The following FHIT variants were observed in gnomAD, a reference collection of about 807,000 sequenced individuals.
FHIT encodes the protein bis(5'-adenosyl)-triphosphatase.
In FHIT, 19 loss-of-function variants were observed where a neutral mutation model predicts 17.9. The observed-to-expected ratio is 1.06, with a 90% CI of 0.74 to 1.56. The LOEUF (loss-of-function observed/expected upper bound fraction) is 1.56. Ranked by LOEUF, FHIT falls within the 40% of genes most tolerant of loss-of-function variation. The pLI is 0.00. For missense variants in FHIT, 248 were observed against 189.2 expected (o/e 1.31, Z -1.82); for synonymous variants, 81 against 69.7 (o/e 1.16, Z -0.81).
intron 5 of FHIT, among the ~76,000 whole-genome samples, chr3:60,130,794 T>C (rs1187011765): frequency 1.0e-5 from 1 of 99,108 alleles, no homozygotes; most frequent in Non-Finnish European, 2.6e-5. Flanking sequence ...GGTGTGTATA[T>C]ACACACATAT....
At chr3:60,736,768 T>C (rs548540762) in intron 4 of FHIT, among the ~76,000 whole-genome samples, 1 of 152,306 alleles carries the variant, frequency 6.6e-6, no homozygotes, top group East Asian at 1.9e-4. Flanking sequence ...TTTCACATTA[T>C]AAACGGATAA....
At chr3:60,391,542 C>T (rs539091914) in intron 5 of FHIT, among the ~76,000 whole-genome samples, 7 of 152,302 alleles carry the variant, frequency 4.6e-5, no homozygotes, top group African/African-American at 1.7e-4. Context: ...ATGGTAAGTG[C>T]CCTGTACAGG....
chr3:60,070,736 C>A (rs150972300), intron 5 of FHIT, among the ~76,000 whole-genome samples: 1 of 152,198 alleles, frequency 6.6e-6, no homozygotes, highest in African/African-American at 2.4e-5. Context: ...GGATATAGTC[C>A]ATGAGACAGA....
chr3:60,696,660 G>T (rs530526451), intron 4 of FHIT, among the ~76,000 whole-genome samples: 1 of 152,238 alleles, frequency 6.6e-6, no homozygotes, highest in Non-Finnish European at 1.5e-5. Context: ...AGAGGGCTGG[G>T]CTCCGGAAGA....
chr3:60,667,036 T>C (rs2040398554), intron 4 of FHIT, among the ~76,000 whole-genome samples: 1 of 141,472 alleles, frequency 7.1e-6, no homozygotes, highest in Non-Finnish European at 1.5e-5. Context: ...TTTTTTTTTT[T>C]TTTTTTTTTT....
chr3:59,965,091 T>A (rs915256845), intron 7 of FHIT, among the ~76,000 whole-genome samples: 1 of 152,082 alleles, frequency 6.6e-6, no homozygotes, highest in African/African-American at 2.4e-5. Flanking sequence ...AATAACTAAT[T>A]ATAGGAGAGT....
At chr3:60,950,931 C>G (rs782434272) in intron 3 of FHIT, among the ~76,000 whole-genome samples, 4 of 152,088 alleles carry the variant, frequency 2.6e-5, no homozygotes, top group Non-Finnish European at 5.9e-5. Context: ...TCTGGAGGAA[C>G]AGCAGCTTCA....
chr3:60,959,855 G>C (rs1351464187), intron 3 of FHIT, among the ~76,000 whole-genome samples: 1 of 150,100 alleles, frequency 6.7e-6, no homozygotes, highest in East Asian at 1.9e-4. Flanking sequence ...TGGTGAGCCT[G>C]AGGGCAATTT....
chr3:60,566,238 T>G (rs1252167299), intron 4 of FHIT, among the ~76,000 whole-genome samples: 3 of 152,094 alleles, frequency 2.0e-5, no homozygotes, highest in Non-Finnish European at 4.4e-5. Flanking sequence ...ATTCTGTTGA[T>G]TTGGGGTTGA....
chr3:60,064,641 G>C lies in FHIT; in HGVS notation c.104-50489C>G, dbSNP rs144779742. Among the ~76,000 whole-genome samples, 472 of 152,302 alleles carry C rather than the reference G, an allele frequency of 3.1e-3. 1 individual carries two copies. Among genetic ancestry groups the C allele is most frequent in the African/African-American group, 0.011 (445 of 41,568 alleles). On this transcript the variant is annotated intron_variant, in intron 5 of 9. Transcript: ENST00000492590. ...CAAAGCAGACATGAGGAAAAGCAAA[G>C]TTTGCATGTGCACATACACACAACA...
chr3:59,896,211 C>T (rs1166951843), intron 8 of FHIT, among the ~76,000 whole-genome samples: 1 of 152,140 alleles, frequency 6.6e-6, no homozygotes, highest in Non-Finnish European at 1.5e-5. Context: ...TCTGCTGTGT[C>T]CCAAGCAAGC....
chr3:60,548,490 A>G (rs1325627991), intron 4 of FHIT, among the ~76,000 whole-genome samples: 1 of 152,202 alleles, frequency 6.6e-6, no homozygotes, highest in African/African-American at 2.4e-5. Context: ...AACCAAGCTC[A>G]TGAAGATGTG....
At chr3:60,834,755 T>C (rs1475218221) in intron 3 of FHIT, among the ~76,000 whole-genome samples, 1 of 151,828 alleles carries the variant, frequency 6.6e-6, no homozygotes, top group Non-Finnish European at 1.5e-5. Flanking sequence ...GTCCCAGCTA[T>C]TCCAGAGCCT....
intron 8 of FHIT, among the ~76,000 whole-genome samples, chr3:59,920,424 G>A (rs1011631098): frequency 4.6e-5 from 7 of 152,186 alleles, no homozygotes; most frequent in African/African-American, 1.7e-4. Flanking sequence ...AGAAACATGT[G>A]TTTTCTTTTC....
At chr3:61,239,761 CCATATATATATATA>C (rs764343784) in intron 1 of FHIT, among the ~76,000 whole-genome samples, 2,531 of 63,164 alleles carry the variant, frequency 0.04, 124 homozygotes, top group Non-Finnish European at 0.048. Context: ...AAACAACTGG[CCATATATATATATA>C]TATATATATA....
intron 3 of FHIT, among the ~76,000 whole-genome samples, chr3:60,929,026 T>A (rs544925366): frequency 6.6e-6 from 1 of 152,158 alleles, no homozygotes; most frequent in Non-Finnish European, 1.5e-5. Context: ...CATGATCAAG[T>A]TGGCTTCATT....
At chr3:60,337,931 C>G (rs1710322170) in intron 5 of FHIT, among the ~76,000 whole-genome samples, 1 of 152,158 alleles carries the variant, frequency 6.6e-6, no homozygotes, top group South Asian at 2.1e-4. Flanking sequence ...CTGGAATACA[C>G]AGTCACACAT....
intron 4 of FHIT, among the ~76,000 whole-genome samples, chr3:60,591,458 G>C (rs1406006917): frequency 2.6e-5 from 4 of 152,080 alleles, no homozygotes; most frequent in Non-Finnish European, 4.4e-5. Context: ...GCAGGAGCTA[G>C]TTCCAAGCAA....
Position 60,578,440 on chromosome 3 carries a change from AACACACAC to A in FHIT, c.-17-41469_-17-41462del, listed in dbSNP as rs71748891. ...CGAAAGAGCATGACTCCATCTACAAAACACACACACACACACACACACACACACACACA... is the reference window on the plus strand; with the variant it reads ...CGAAAGAGCATGACTCCATCTACAAAACACACACACACACACACACACACA... On this transcript the variant is annotated intron_variant, in intron 4 of 9. Transcript: ENST00000492590. Among the ~76,000 whole-genome samples, 130 of 144,372 alleles carry A rather than the reference AACACACAC, an allele frequency of 9.0e-4. 1 individual carries two copies. In the Middle Eastern group the frequency reaches 0.011, roughly 12 times the overall value. 94.7% of individuals were successfully genotyped at this position (144,372 alleles called of 152,430 possible).
Sources: gnomAD v4.1 joint callset for allele counts (sites outside exome capture counted in the v4.1 genomes callset) on GRCh38, gnomAD v4.1.1 for gene constraint, MANE v1.5 for transcripts, NCBI Gene and HGNC (gene_info 2026-07-23, HGNC 2026-07-21) for gene names.